HTRA1: variants seen among roughly 807,000 people sequenced by gnomAD.
HTRA1 encodes the protein HtrA serine peptidase 1, also known as serine protease HTRA1.
In HTRA1, 26 loss-of-function variants were observed where a neutral mutation model predicts 49.7. The observed-to-expected ratio is 0.52, with a 90% CI of 0.38 to 0.73. HTRA1 has a LOEUF of 0.73. Ranked by LOEUF, HTRA1 falls within the 30% of genes least tolerant of loss-of-function variation. HTRA1 has a pLI of 0.00. For missense variants in HTRA1, 561 were observed against 667.2 expected (o/e 0.84, Z 1.75); for synonymous variants, 291 against 286.9 (o/e 1.01, Z -0.14).
At chr10:122,507,535 A>G (rs2097503602) in intron 5 of HTRA1, 133 bp downstream of exon 5, 1 of 739,686 alleles carries the variant, frequency 1.4e-6, no homozygotes, top group Non-Finnish European at 2.4e-6. Context: ...AAAGTGTATT[A>G]TAAATTCCTT....
intron 3 of HTRA1, among the ~76,000 whole-genome samples, chr10:122,496,648 T>G (rs925145002): frequency 7.9e-5 from 12 of 151,998 alleles, no homozygotes; most frequent in Admixed American, 2.0e-4. Flanking sequence ...AGACAGCAGA[T>G]AGTGTAGGCA....
At chr10:122,496,297 G>A (rs1456877733) in intron 3 of HTRA1, among the ~76,000 whole-genome samples, 2 of 122,838 alleles carry the variant, frequency 1.6e-5, no homozygotes, top group Non-Finnish European at 3.2e-5. Flanking sequence ...AATAGCAGAG[G>A]GAGGCCTTAT....
chr10:122,461,558 C>T lies in HTRA1; in HGVS notation c.-95C>T. 3 of 692,644 alleles carry T rather than the reference C, an allele frequency of 4.3e-6. No homozygotes were observed. The highest frequency in any genetic ancestry group is 2.1e-5 in the South Asian group (1 of 48,744). The allele number at this position is 692,644 out of a possible 1,614,324, so 42.9% of individuals were successfully genotyped here. On this transcript the variant is annotated 5_prime_UTR_variant, in exon 1 of 9. Transcript: ENST00000368984. ...TGGGCCGCGCGGCCGCGCGCACTCGCACCCGCTGCCCCCGAGGCCCTCCTG... is the reference window on the plus strand; with the variant it reads ...TGGGCCGCGCGGCCGCGCGCACTCGTACCCGCTGCCCCCGAGGCCCTCCTG...
At chr10:122,512,119 T>C in intron 8 of HTRA1, 54 bp downstream of exon 8, 1 of 1,261,160 alleles carries the variant, frequency 7.9e-7, no homozygotes, top group Middle Eastern at 2.0e-4. Flanking sequence ...CCTGTGGGGG[T>C]AGCAGGAAGA....
intron 3 of HTRA1, among the ~76,000 whole-genome samples, chr10:122,491,681 A>G (rs545840096): frequency 6.6e-6 from 1 of 152,322 alleles, no homozygotes; most frequent in South Asian, 2.1e-4. Context: ...GACGTGAACG[A>G]TCTCAATAGA....
Position 122,490,467 on chromosome 10 carries a change from C to G in HTRA1, c.777+841C>G, listed in dbSNP as rs1446815494. ...ATTTCTTACTGACTCATCAAAAACC[C>G]CCACTCGACACGTCGATGAGAGAGG... On this transcript the variant is annotated intron_variant, in intron 3 of 8. Coordinates refer to ENST00000368984, the MANE Select transcript of HTRA1 (RefSeq NM_002775.5). This position sits in a 1 kb window ranked among gnomAD's most constrained non-coding sequence, Gnocchi z 4.2. Among the ~76,000 whole-genome samples the G allele has an allele frequency of 6.6e-6, 1 of 152,184 alleles. No individual in the cohort carries two copies. Among genetic ancestry groups the G allele is most frequent in the African/African-American group, 2.4e-5 (1 of 41,422 alleles).
chr10:122,503,946 C>T (rs1359225398), intron 3 of HTRA1, among the ~76,000 whole-genome samples: 1 of 152,210 alleles, frequency 6.6e-6, no homozygotes, highest in East Asian at 1.9e-4. Flanking sequence ...ATTTCCTCGT[C>T]TGTGTTCAGG....
chr10:122,470,580 T>G (rs372279859), intron 1 of HTRA1, among the ~76,000 whole-genome samples: 1 of 151,760 alleles, frequency 6.6e-6, no homozygotes. Context: ...TCCTAAAGCA[T>G]TGAAGTCCAG....
Position 122,461,650 on chromosome 10 carries a change from GC to G in HTRA1, c.-1del. The G allele has an allele frequency of 1.5e-6, 2 of 1,308,972 alleles. No homozygotes were observed. The highest frequency in any genetic ancestry group is 1.4e-5 in the South Asian group (1 of 73,962). 81.1% of individuals were successfully genotyped at this position (1,308,972 alleles called of 1,614,324 possible). ...CGCCACCGCCGCCGCCGCCAGAGTC[GC>G]CATGCAGATCCCGCGCGCCGCTCTT... On this transcript the variant is annotated 5_prime_UTR_variant, in exon 1 of 9. Coordinates refer to ENST00000368984, the MANE Select transcript of HTRA1 (RefSeq NM_002775.5).
chr10:122,496,245 T>G (rs2097498693), intron 3 of HTRA1, among the ~76,000 whole-genome samples: 1 of 137,396 alleles, frequency 7.3e-6, no homozygotes, highest in East Asian at 2.1e-4. Flanking sequence ...TTTTTTTTTT[T>G]TTTTTTTTTT....
intron 1 of HTRA1, among the ~76,000 whole-genome samples, chr10:122,485,386 T>G (rs539045503): frequency 6.6e-6 from 1 of 152,360 alleles, no homozygotes; most frequent in African/African-American, 2.4e-5. Context: ...TTTCCTCATC[T>G]GCAGAATTTG....
At chr10:122,480,709 T>C (rs1367776983) in intron 1 of HTRA1, among the ~76,000 whole-genome samples, 2 of 152,254 alleles carry the variant, frequency 1.3e-5, no homozygotes, top group African/African-American at 2.4e-5. Flanking sequence ...CAAGGGACAG[T>C]GGGACCTGCC....
chr10:122,489,909 T>C (rs2097494976), intron 3 of HTRA1, among the ~76,000 whole-genome samples: 1 of 152,130 alleles, frequency 6.6e-6, no homozygotes, highest in Admixed American at 6.5e-5. Context: ...AGTAGGTAAG[T>C]AGTGAAAATT....
Position 122,464,400 on chromosome 10 carries a change from GGAGA to G in HTRA1, c.472+2279_472+2282del, listed in dbSNP as rs2097482906. Among the ~76,000 whole-genome samples the G allele has an allele frequency of 6.6e-6, 1 of 152,172 alleles. No homozygotes were observed. Among genetic ancestry groups the G allele is most frequent in the African/African-American group, 2.4e-5 (1 of 41,434 alleles). On this transcript the variant is annotated intron_variant, in intron 1 of 8. Coordinates refer to ENST00000368984, the MANE Select transcript of HTRA1 (RefSeq NM_002775.5). This position sits in a 1 kb window ranked among gnomAD's most constrained non-coding sequence, Gnocchi z 4.8. ...ATAAGCATGGTGGCTTTGAAAGGAG[GGAGA>G]GACAGAGTGGGTACAATGCTTTTCT...
chr10:122,510,040 C>T (rs2097504902), intron 6 of HTRA1, 56 bp from the exon 7 acceptor site: 5 of 1,498,932 alleles, frequency 3.3e-6, no homozygotes, highest in South Asian at 1.1e-5. Context: ...CCCTGGTGTC[C>T]CCAGCACCCC....
chr10:122,503,076 G>T (rs1448528818), intron 3 of HTRA1, among the ~76,000 whole-genome samples: 3 of 152,270 alleles, frequency 2.0e-5, no homozygotes, highest in Non-Finnish European at 2.9e-5. Flanking sequence ...AAGACGGCCT[G>T]TGGCCGGTGC....
At chr10:122,498,591 C>A (rs569831711) in intron 3 of HTRA1, among the ~76,000 whole-genome samples, 1 of 152,234 alleles carries the variant, frequency 6.6e-6, no homozygotes, top group African/African-American at 2.4e-5. Flanking sequence ...CTGTTCAGAA[C>A]CCTGAATGGA....
chr10:122,511,738 AAAAAAAATAAAT>A (rs1290458170), intron 7 of HTRA1, among the ~76,000 whole-genome samples: 147 of 77,036 alleles, frequency 1.9e-3, no homozygotes, highest in Middle Eastern at 5.7e-3. Flanking sequence ...GTCTCAAAAA[AAAAAAAATAAAT>A]AAAAAAAATA....
At chr10:122,504,946 A>T (rs760686847) in intron 3 of HTRA1, among the ~76,000 whole-genome samples, 42 of 152,174 alleles carry the variant, frequency 2.8e-4, no homozygotes, top group Non-Finnish European at 5.3e-4. Flanking sequence ...GTCAGGGCAG[A>T]CCTTTACCAT....
Sources: gnomAD v4.1 joint callset for allele counts (sites outside exome capture counted in the v4.1 genomes callset) on GRCh38, gnomAD v4.1.1 for gene constraint, Gnocchi (gnomAD v3.1) non-coding constraint, MANE v1.5 for transcripts, NCBI Gene and HGNC (gene_info 2026-07-23, HGNC 2026-07-21) for gene names.